Variants in METTL24 observed in about 807,000 individuals in gnomAD.
The protein encoded by METTL24 is probable methyltransferase-like protein 24.
METTL24 carries 29 observed loss-of-function variants against 32.7 expected under a neutral mutation model. The observed-to-expected ratio is 0.89, with a 90% CI of 0.66 to 1.21. The LOEUF (loss-of-function observed/expected upper bound fraction) is 1.21. Among genes scored for constraint, METTL24 ranks in the 50% most tolerant of loss-of-function variants. The pLI is 0.00. For synonymous variants in METTL24, 163 were observed against 179.5 expected (o/e 0.91, Z 0.73); for missense variants, 439 against 468.1 (o/e 0.94, Z 0.57).
intron 4 of METTL24, among the ~76,000 whole-genome samples, chr6:110,260,310 T>C (rs1282673300): frequency 6.6e-6 from 1 of 152,158 alleles, no homozygotes; most frequent in Non-Finnish European, 1.5e-5. Flanking sequence ...GAGAACTACG[T>C]GATGAATGCA....
At chr6:110,281,853 C>T (rs572937251) in intron 4 of METTL24, among the ~76,000 whole-genome samples, 3 of 152,026 alleles carry the variant, frequency 2.0e-5, no homozygotes, top group Non-Finnish European at 2.9e-5. Flanking sequence ...AGTTCAACCT[C>T]AAGGGAAATA....
chr6:110,261,403 A>T (rs1275766074), intron 4 of METTL24, among the ~76,000 whole-genome samples: 3 of 152,230 alleles, frequency 2.0e-5, no homozygotes, highest in Non-Finnish European at 2.9e-5. Flanking sequence ...TATCAATTCA[A>T]CAGAAGAGCT....
At chr6:110,319,266 GTGTA>G (rs1412818991) in intron 2 of METTL24, among the ~76,000 whole-genome samples, 2 of 130,916 alleles carry the variant, frequency 1.5e-5, no homozygotes, top group African/African-American at 4.2e-5. Flanking sequence ...ATCCCTGTGT[GTGTA>G]TGTGTGTGTG....
intron 1 of METTL24, among the ~76,000 whole-genome samples, chr6:110,340,783 T>C (rs565575640): frequency 6.6e-6 from 1 of 152,316 alleles, no homozygotes; most frequent in South Asian, 2.1e-4. Flanking sequence ...AAATCTGAGA[T>C]GAGGCTGAAC....
chr6:110,261,980 A>G (rs964117627), intron 4 of METTL24, among the ~76,000 whole-genome samples: 2 of 152,188 alleles, frequency 1.3e-5, no homozygotes, highest in African/African-American at 4.8e-5. Context: ...TGTAGAGGGA[A>G]ATTTATAGCA....
chr6:110,315,717 A>T (rs544322897), intron 2 of METTL24, among the ~76,000 whole-genome samples: 9 of 152,178 alleles, frequency 5.9e-5, no homozygotes, highest in Non-Finnish European at 1.0e-4. Context: ...GAGAGAAGTT[A>T]AGAGCTGCTG....
At chr6:110,302,657 A>G (rs569124640) in intron 3 of METTL24, among the ~76,000 whole-genome samples, 1 of 143,420 alleles carries the variant, frequency 7.0e-6, no homozygotes, top group South Asian at 2.2e-4. Context: ...GTATATATAT[A>G]CACATATACA....
intron 1 of METTL24, among the ~76,000 whole-genome samples, chr6:110,355,179 T>C (rs1363160007): frequency 6.6e-6 from 1 of 152,118 alleles, no homozygotes; most frequent in Non-Finnish European, 1.5e-5. Flanking sequence ...CTTTCTGTTG[T>C]CATTCCAAGT....
intron 3 of METTL24, among the ~76,000 whole-genome samples, chr6:110,308,055 C>T (rs1245488303): frequency 1.3e-5 from 2 of 152,146 alleles, no homozygotes; most frequent in East Asian, 3.8e-4. Context: ...CATCTTGATC[C>T]TCTTTCTCTG....
chr6:110,339,042 G>C (rs918961939), intron 1 of METTL24, among the ~76,000 whole-genome samples: 2 of 152,212 alleles, frequency 1.3e-5, no homozygotes, highest in African/African-American at 4.8e-5. Flanking sequence ...ATCCTGGATA[G>C]TGATGTTGTG....
intron 3 of METTL24, among the ~76,000 whole-genome samples, chr6:110,314,374 A>G (rs1771778807): frequency 6.6e-6 from 1 of 152,092 alleles, no homozygotes; most frequent in African/African-American, 2.4e-5. Flanking sequence ...GTAAGTTCAG[A>G]ACTGTTTTTA....
intron 4 of METTL24, chr6:110,253,826 C>A: frequency 1.6e-6 from 2 of 1,277,814 alleles, no homozygotes; most frequent in South Asian, 2.1e-5. Flanking sequence ...TTTAACATAA[C>A]AGACTATGAA....
intron 3 of METTL24, among the ~76,000 whole-genome samples, chr6:110,304,747 A>G (rs564738026): frequency 6.1e-4 from 93 of 152,254 alleles, no homozygotes; most frequent in Non-Finnish European, 1.1e-3. Flanking sequence ...GATATTATCC[A>G]GGAGAACTTC....
intron 4 of METTL24, among the ~76,000 whole-genome samples, chr6:110,265,778 T>C (rs146122948): frequency 1.3e-3 from 202 of 152,176 alleles, no homozygotes; most frequent in African/African-American, 4.7e-3. Flanking sequence ...CTTACAAGAT[T>C]TGTACTACCT....
intron 4 of METTL24, among the ~76,000 whole-genome samples, chr6:110,280,722 A>G (rs1771122953): frequency 1.3e-5 from 2 of 150,076 alleles, no homozygotes; most frequent in East Asian, 3.9e-4. Context: ...CAGTGATGCT[A>G]TTGTGATTTA....
At chr6:110,299,432 A>C (rs781202648) in intron 3 of METTL24, among the ~76,000 whole-genome samples, 12 of 152,182 alleles carry the variant, frequency 7.9e-5, no homozygotes, top group Non-Finnish European at 1.5e-4. Context: ...TAAGTGATGT[A>C]AATCACAGTA....
chr6:110,261,608 A>C (rs144886539), intron 4 of METTL24, among the ~76,000 whole-genome samples: 1 of 152,196 alleles, frequency 6.6e-6, no homozygotes, highest in Non-Finnish European at 1.5e-5. Context: ...GCTCTGCGCC[A>C]AGTGGACCTA....
intron 1 of METTL24, among the ~76,000 whole-genome samples, chr6:110,350,030 T>A (rs1582446892): frequency 1.3e-5 from 2 of 152,340 alleles, no homozygotes; most frequent in East Asian, 3.9e-4. Context: ...TGCCACCTGC[T>A]TTGCATCTGT....
intron 1 of METTL24, among the ~76,000 whole-genome samples, chr6:110,327,132 G>A (rs936235912): frequency 2.0e-5 from 3 of 152,156 alleles, no homozygotes; most frequent in Admixed American, 2.0e-4. Context: ...GCACAAAAAG[G>A]TACAGCGCCT....
Sources: allele counts gnomAD v4.1 joint callset (sites outside exome capture counted in the v4.1 genomes callset), GRCh38; gene constraint gnomAD v4.1.1; transcripts MANE v1.5; gene names NCBI Gene and HGNC (gene_info 2026-07-23, HGNC 2026-07-21).